FAF1: variants seen among roughly 807,000 people sequenced by gnomAD.
The protein encoded by FAF1 is Fas associated factor 1, also known as FAS-associated factor 1.
FAF1 carries 25 observed loss-of-function variants against 92.5 expected under a neutral mutation model. That is an observed-to-expected ratio of 0.27 (90% CI 0.20 to 0.38). FAF1 has a LOEUF of 0.38. Among genes scored for constraint, FAF1 ranks in the 10% least tolerant of loss-of-function variants. FAF1 has a pLI of 1.00. For missense variants in FAF1, 636 were observed against 793.3 expected (o/e 0.80, Z 2.38); for synonymous variants, 234 against 273.2 (o/e 0.86, Z 1.42).
intron 7 of FAF1, among the ~76,000 whole-genome samples, chr1:50,676,165 G>T (rs769339700): frequency 2.0e-5 from 3 of 152,246 alleles, no homozygotes; most frequent in African/African-American, 7.2e-5. Flanking sequence ...CCAGCACTTC[G>T]GGAGGCCGAG....
intron 1 of FAF1, among the ~76,000 whole-genome samples, chr1:50,909,440 A>C (rs1447453927): frequency 3.3e-5 from 5 of 152,178 alleles, no homozygotes; most frequent in Non-Finnish European, 7.3e-5. Flanking sequence ...AGGTTGGGGA[A>C]GTTCTCCTGG....
chr1:50,513,402 A>G (rs1488958672), intron 15 of FAF1, among the ~76,000 whole-genome samples: 1 of 152,128 alleles, frequency 6.6e-6, no homozygotes, highest in Non-Finnish European at 1.5e-5. Flanking sequence ...AGGCAGGAGA[A>G]TTGTTTGAGC....
intron 2 of FAF1, among the ~76,000 whole-genome samples, chr1:50,853,154 T>C (rs1008114844): frequency 1.3e-5 from 2 of 152,100 alleles, no homozygotes; most frequent in African/African-American, 2.4e-5. Flanking sequence ...CTGTATAAAG[T>C]AGAAAAGCAG....
chr1:50,952,030 C>G (rs914070211), intron 1 of FAF1, among the ~76,000 whole-genome samples: 1 of 152,200 alleles, frequency 6.6e-6, no homozygotes, highest in Non-Finnish European at 1.5e-5. Flanking sequence ...CAAAGAGGAG[C>G]TCATATGCAA....
intron 1 of FAF1, among the ~76,000 whole-genome samples, chr1:50,895,378 C>T (rs1002346154): frequency 6.6e-6 from 1 of 152,120 alleles, no homozygotes. Context: ...AATAAAAAGT[C>T]TGCCAGAAAA....
chr1:50,857,658 A>C (rs1644400281), intron 2 of FAF1, among the ~76,000 whole-genome samples: 1 of 151,820 alleles, frequency 6.6e-6, no homozygotes, highest in Admixed American at 6.6e-5. Context: ...GAGCATCTCC[A>C]CCAAAAAATT....
chr1:50,775,842 C>A (rs1172725488), intron 4 of FAF1, among the ~76,000 whole-genome samples: 1 of 152,086 alleles, frequency 6.6e-6, no homozygotes, highest in Non-Finnish European at 1.5e-5. Flanking sequence ...GAAAAAAATT[C>A]TATCAAGTCT....
rs372825352 is a variant in FAF1, at chr1:50,744,927, T to C, written c.368-152A>G. 6 of 477,200 alleles carry C rather than the reference T, an allele frequency of 1.3e-5. No homozygotes were observed. In the East Asian group the frequency reaches 2.1e-4, roughly 16 times the overall value. The allele number at this position is 477,200 out of a possible 1,614,324, so 29.6% of individuals were successfully genotyped here. On this transcript the variant is annotated intron_variant, in intron 4 of 18. Transcript: ENST00000396153. ...TCTGTATCTATAAAATGGGAAATAA[T>C]ATTATTTATCTTATCTTGCCTTAGG...
intron 13 of FAF1, among the ~76,000 whole-genome samples, chr1:50,552,008 C>A (rs1444362216): frequency 6.6e-6 from 1 of 152,098 alleles, no homozygotes; most frequent in Non-Finnish European, 1.5e-5. Context: ...GGTACGAAAA[C>A]TGCAGGCCAG....
intron 8 of FAF1, among the ~76,000 whole-genome samples, chr1:50,621,391 CTTTTTTTTTTTTTT>C (rs36053834): frequency 1.0e-4 from 9 of 89,216 alleles, no homozygotes; most frequent in African/African-American, 2.3e-4. Flanking sequence ...TTCTTTTTTT[CTTTTTTTTTTTTTT>C]TTTTTTTTTT....
At chr1:50,905,420 A>C (rs1557583218) in intron 1 of FAF1, among the ~76,000 whole-genome samples, 1 of 152,238 alleles carries the variant, frequency 6.6e-6, no homozygotes, top group Non-Finnish European at 1.5e-5. Context: ...TGGCTGGGTC[A>C]AATGGTATTT....
chr1:50,942,596 A>G (rs1174154436), intron 1 of FAF1, among the ~76,000 whole-genome samples: 1 of 152,232 alleles, frequency 6.6e-6, no homozygotes, highest in Non-Finnish European at 1.5e-5. Flanking sequence ...AACAACTACA[A>G]AAAAGCTAAG....
chr1:50,695,542 G>T (rs1657158125), intron 7 of FAF1, among the ~76,000 whole-genome samples: 1 of 152,096 alleles, frequency 6.6e-6, no homozygotes, highest in African/African-American at 2.4e-5. Context: ...GGTCCCACAG[G>T]TATATAAAAA....
chr1:50,760,319 G>A (rs975340986), intron 4 of FAF1, among the ~76,000 whole-genome samples: 8 of 152,056 alleles, frequency 5.3e-5, no homozygotes, highest in Non-Finnish European at 2.9e-5. Context: ...ATTGAACTCA[G>A]CTCTGCACCA....
chr1:50,659,130 T>C (rs184243664), intron 7 of FAF1, among the ~76,000 whole-genome samples: 87 of 152,036 alleles, frequency 5.7e-4, no homozygotes, highest in Admixed American at 1.1e-3. Context: ...ACCTCAATGA[T>C]AAAATACAGC....
intron 7 of FAF1, among the ~76,000 whole-genome samples, chr1:50,678,171 T>C (rs1272502619): frequency 6.6e-6 from 1 of 152,172 alleles, no homozygotes; most frequent in Non-Finnish European, 1.5e-5. Context: ...TAGAGTACAG[T>C]TGCCTGGTTA....
intron 3 of FAF1, among the ~76,000 whole-genome samples, chr1:50,794,512 G>A (rs927622292): frequency 6.6e-6 from 1 of 152,236 alleles, no homozygotes; most frequent in Non-Finnish European, 1.5e-5. Context: ...GGGTTGGCCA[G>A]CTGTTCAGGT....
chr1:50,913,491 T>C (rs1386932434), intron 1 of FAF1, among the ~76,000 whole-genome samples: 2 of 152,188 alleles, frequency 1.3e-5, no homozygotes, highest in Non-Finnish European at 2.9e-5. Context: ...ATTAGAGACC[T>C]TGCAGATTTC....
At chr1:50,547,825 G>A (rs1649108984) in intron 13 of FAF1, among the ~76,000 whole-genome samples, 1 of 152,216 alleles carries the variant, frequency 6.6e-6, no homozygotes, top group Non-Finnish European at 1.5e-5. Flanking sequence ...TAATCTATAG[G>A]AGACAATTTA....
Sources: allele counts gnomAD v4.1 joint callset (sites outside exome capture counted in the v4.1 genomes callset), GRCh38; gene constraint gnomAD v4.1.1; transcripts MANE v1.5; gene names NCBI Gene and HGNC (gene_info 2026-07-23, HGNC 2026-07-21).